The following NPAS3 variants were observed in gnomAD, a reference collection of about 807,000 sequenced individuals.
NPAS3 encodes the protein neuronal PAS domain protein 3, also known as neuronal PAS domain-containing protein 3.
NPAS3 carries 14 observed loss-of-function variants against 73.1 expected under a neutral mutation model. That is an observed-to-expected ratio of 0.19 (90% CI 0.13 to 0.30). NPAS3 has a LOEUF of 0.30. Ranked by LOEUF, NPAS3 falls within the 10% of genes least tolerant of loss-of-function variation. The probability of loss-of-function intolerance (pLI) is 1.00; values close to 1 mark genes in which losing one functional copy is unlikely to be tolerated. For missense variants in NPAS3, 1,096 were observed against 1,250.0 expected, an observed-to-expected ratio of 0.88 and a Z score of 1.86; for synonymous variants, 620 against 541.5, an observed-to-expected ratio of 1.14 and a Z score of -2.01.
intron 4 of NPAS3, among the ~76,000 whole-genome samples, chr14:33,492,697 G>A (rs1265108695): frequency 1.3e-5 from 2 of 152,160 alleles, no homozygotes; most frequent in Non-Finnish European, 1.5e-5. Context: ...CCCATCCACA[G>A]CGATGTGTTA....
At chr14:33,364,868 T>C (rs2045766921) in intron 3 of NPAS3, among the ~76,000 whole-genome samples, 1 of 151,984 alleles carries the variant, frequency 6.6e-6, no homozygotes, top group Non-Finnish European at 1.5e-5. Flanking sequence ...ATCTTGGGCC[T>C]CCTAAGTCAG....
intron 3 of NPAS3, among the ~76,000 whole-genome samples, chr14:33,222,775 T>C (rs1480256586): frequency 3.3e-5 from 5 of 152,220 alleles, no homozygotes; most frequent in South Asian, 4.1e-4. Flanking sequence ...AGCGGAGTTA[T>C]ATAGTACTGA....
intron 5 of NPAS3, among the ~76,000 whole-genome samples, chr14:33,597,782 A>G (rs559192262): frequency 1.9e-4 from 29 of 152,350 alleles, no homozygotes; most frequent in African/African-American, 6.5e-4. Context: ...ACTCAAAAGT[A>G]TCTGGTTTTT....
At chr14:32,981,437 T>C (rs923194837) in intron 1 of NPAS3, among the ~76,000 whole-genome samples, 1 of 152,214 alleles carries the variant, frequency 6.6e-6, no homozygotes, top group Non-Finnish European at 1.5e-5. Flanking sequence ...ACCTCTGGAG[T>C]AAAATATGGT....
At chr14:33,780,742 A>G in intron 9 of NPAS3, 1 of 421,394 alleles carries the variant, frequency 2.4e-6, no homozygotes, top group East Asian at 7.4e-5. Context: ...ATTTACTTTT[A>G]TCTCATTTTC....
At chr14:32,984,729 CT>C (rs746061916) in intron 1 of NPAS3, among the ~76,000 whole-genome samples, 3 of 152,016 alleles carry the variant, frequency 2.0e-5, no homozygotes, top group Non-Finnish European at 4.4e-5. Flanking sequence ...GAAATAATGT[CT>C]TTATTGTTCA....
intron 1 of NPAS3, among the ~76,000 whole-genome samples, chr14:33,045,686 C>T (rs908561280): frequency 1.3e-5 from 2 of 152,128 alleles, no homozygotes; most frequent in Non-Finnish European, 1.5e-5. Context: ...CTTTTATGAT[C>T]AGTTCTAATT....
At chr14:33,155,543 A>T (rs2044615533) in intron 2 of NPAS3, among the ~76,000 whole-genome samples, 1 of 152,180 alleles carries the variant, frequency 6.6e-6, no homozygotes, top group Non-Finnish European at 1.5e-5. Flanking sequence ...GGCATGAGCC[A>T]CTATGCTTGG....
chr14:33,192,229 T>C (rs1406492271), intron 2 of NPAS3, among the ~76,000 whole-genome samples: 3 of 152,134 alleles, frequency 2.0e-5, no homozygotes, highest in South Asian at 2.1e-4. Flanking sequence ...AAAGATTCAA[T>C]GAGAAAAACA....
At chr14:33,026,379 G>T (rs2039802494) in intron 1 of NPAS3, among the ~76,000 whole-genome samples, 1 of 152,196 alleles carries the variant, frequency 6.6e-6, no homozygotes, top group African/African-American at 2.4e-5. Flanking sequence ...TTAGGGCAGG[G>T]AATCTGTATG....
At chr14:33,476,080 G>A (rs572272160) in intron 4 of NPAS3, among the ~76,000 whole-genome samples, 3 of 152,270 alleles carry the variant, frequency 2.0e-5, no homozygotes, top group Non-Finnish European at 2.9e-5. Flanking sequence ...CAAACATAAC[G>A]ATGGTTTTTC....
At chr14:33,161,734 C>A (rs1178243050) in intron 2 of NPAS3, among the ~76,000 whole-genome samples, 2 of 152,190 alleles carry the variant, frequency 1.3e-5, no homozygotes, top group Non-Finnish European at 2.9e-5. Context: ...GGTAGGTTCC[C>A]ATTTGCTCTG....
intron 5 of NPAS3, among the ~76,000 whole-genome samples, chr14:33,600,808 A>T (rs2057378245): frequency 6.6e-6 from 1 of 152,212 alleles, no homozygotes; most frequent in African/African-American, 2.4e-5. Flanking sequence ...AACACCAAAG[A>T]TACACTTTAG....
At chr14:33,288,509 T>C (rs979602368) in intron 3 of NPAS3, among the ~76,000 whole-genome samples, 2 of 152,092 alleles carry the variant, frequency 1.3e-5, no homozygotes, top group Non-Finnish European at 2.9e-5. Context: ...ATCCATTCTA[T>C]ACAACCACAT....
chr14:32,965,846 AAAAC>A (rs1338806561), intron 1 of NPAS3, among the ~76,000 whole-genome samples: 34 of 152,358 alleles, frequency 2.2e-4, no homozygotes, highest in African/African-American at 7.9e-4. Context: ...TTGGGACTAA[AAAAC>A]AAATTTAGTA....
intron 1 of NPAS3, among the ~76,000 whole-genome samples, chr14:33,055,220 A>G (rs2040846559): frequency 6.6e-6 from 1 of 152,194 alleles, no homozygotes; most frequent in Non-Finnish European, 1.5e-5. Flanking sequence ...TCTCAGATGA[A>G]TTTATATGCT....
chr14:33,570,606 A>C (rs1436525479), intron 5 of NPAS3, among the ~76,000 whole-genome samples: 1 of 152,226 alleles, frequency 6.6e-6, no homozygotes, highest in African/African-American at 2.4e-5. Flanking sequence ...CTACATTTCA[A>C]AACCTTTTCA....
At position 33,522,026 on chromosome 14, in the gene NPAS3, G is replaced by T. The variant is rs112730677; in HGVS notation, c.469-38095G>T. On this transcript the variant is annotated intron_variant, in intron 4 of 11. Coordinates refer to ENST00000356141, the Ensembl canonical transcript of NPAS3. ...TCTGGACGGGTTACTCTTGTAGAAG[G>T]TTTATTTAATATGTGTCTCTGTGTA... Among the ~76,000 whole-genome samples the T allele has an allele frequency of 2.5e-3, 374 of 152,160 alleles. 1 individual carries two copies. The highest frequency in any genetic ancestry group is 0.01 in the Middle Eastern group (3 of 294).
rs150473076 is a variant in NPAS3, at chr14:33,145,097, C to A, written c.141-70085C>A. 5.1e-3 allele frequency among the ~76,000 whole-genome samples: 778 copies of A among 152,278 alleles called. 3 individuals carry two copies. Among genetic ancestry groups the A allele is most frequent in the Middle Eastern group, 0.031 (9 of 294 alleles). On this transcript the variant is annotated intron_variant, in intron 2 of 11. Coordinates refer to ENST00000356141, the Ensembl canonical transcript of NPAS3. Reference sequence around the variant, plus strand: ...TAAGTTACAGGGGAGATATTTGATGCCAACCAGAATTTTGTTTAAGATAAG... The same window carrying A: ...TAAGTTACAGGGGAGATATTTGATGACAACCAGAATTTTGTTTAAGATAAG...
Sources: allele counts gnomAD v4.1 joint callset (sites outside exome capture counted in the v4.1 genomes callset), GRCh38; gene constraint gnomAD v4.1.1; transcripts MANE v1.5; gene names NCBI Gene and HGNC (gene_info 2026-07-23, HGNC 2026-07-21).